The following SGCZ variants were observed in gnomAD, a reference collection of about 807,000 sequenced individuals.
SGCZ encodes the protein sarcoglycan zeta.
SGCZ carries 40 observed loss-of-function variants against 41.3 expected under a neutral mutation model. The observed-to-expected ratio is 0.97, with a 90% CI of 0.75 to 1.26. SGCZ has a LOEUF of 1.26. SGCZ is among the 50% of genes most tolerant of loss of function. The probability of loss-of-function intolerance (pLI) is 0.00; values close to 1 mark genes in which losing one functional copy is unlikely to be tolerated. For missense variants in SGCZ, 552 were observed against 369.8 expected (o/e 1.49, Z -4.04); for synonymous variants, 206 against 137.5 (o/e 1.50, Z -3.49).
intron 3 of SGCZ, among the ~76,000 whole-genome samples, chr8:14,258,150 G>A (rs1166137477): frequency 6.6e-6 from 1 of 152,068 alleles, no homozygotes; most frequent in Non-Finnish European, 1.5e-5. Context: ...AGTATTATAT[G>A]CTAAAAGAGA....
intron 1 of SGCZ, among the ~76,000 whole-genome samples, chr8:15,220,816 C>T (rs268345): frequency 0.93 from 142,217 of 152,184 alleles, 66,642 homozygotes; most frequent in Non-Finnish European, 0.97. Flanking sequence ...ATATACACCA[C>T]GGAATACTAT....
intron 1 of SGCZ, among the ~76,000 whole-genome samples, chr8:15,177,362 A>C (rs1417318102): frequency 6.6e-6 from 1 of 152,192 alleles, no homozygotes; most frequent in Admixed American, 6.5e-5. Flanking sequence ...GGTGGGCTAA[A>C]ATATGTTGTA....
intron 1 of SGCZ, among the ~76,000 whole-genome samples, chr8:14,910,358 G>C (rs1015579131): frequency 6.6e-6 from 1 of 151,840 alleles, no homozygotes; most frequent in Admixed American, 6.6e-5. Flanking sequence ...TAATACATAA[G>C]GACACCAGGA....
chr8:14,368,859 C>G (rs1330257903), intron 2 of SGCZ, among the ~76,000 whole-genome samples: 1 of 151,872 alleles, frequency 6.6e-6, no homozygotes, highest in Non-Finnish European at 1.5e-5. Context: ...ATACTTGTTG[C>G]AAGAGGGGAA....
chr8:14,252,683 C>G (rs1426409010), intron 3 of SGCZ, among the ~76,000 whole-genome samples: 1 of 152,032 alleles, frequency 6.6e-6, no homozygotes, highest in Non-Finnish European at 1.5e-5. Context: ...GTCGAGGGGG[C>G]AGGACAAAAT....
chr8:14,899,125 C>T (rs1805309736), intron 1 of SGCZ, among the ~76,000 whole-genome samples: 1 of 151,976 alleles, frequency 6.6e-6, no homozygotes, highest in African/African-American at 2.4e-5. Flanking sequence ...TAATAGCTGC[C>T]TTGATCATAG....
chr8:14,251,674 TTAAA>T (rs1285395892), intron 3 of SGCZ, among the ~76,000 whole-genome samples: 1 of 152,220 alleles, frequency 6.6e-6, no homozygotes, highest in African/African-American at 2.4e-5. Context: ...TTAATAATTT[TTAAA>T]TAAATAATGC....
At chr8:15,170,338 C>A (rs1369277251) in intron 1 of SGCZ, among the ~76,000 whole-genome samples, 3 of 152,200 alleles carry the variant, frequency 2.0e-5, no homozygotes, top group Non-Finnish European at 4.4e-5. Flanking sequence ...ACAAACCTCA[C>A]TGAGCACTTC....
chr8:15,161,097 G>A (rs1441151949), intron 1 of SGCZ, among the ~76,000 whole-genome samples: 1 of 151,956 alleles, frequency 6.6e-6, no homozygotes, highest in South Asian at 2.1e-4. Context: ...CAAATCCTTA[G>A]GTGATCTGGT....
chr8:14,319,921 A>G (rs1470314327), intron 3 of SGCZ, among the ~76,000 whole-genome samples: 1 of 152,066 alleles, frequency 6.6e-6, no homozygotes, highest in African/African-American at 2.4e-5. Flanking sequence ...AACCATAAAG[A>G]CAAGTTTTAT....
chr8:14,449,463 T>C (rs1800528477), intron 2 of SGCZ, among the ~76,000 whole-genome samples: 1 of 152,180 alleles, frequency 6.6e-6, no homozygotes, highest in South Asian at 2.1e-4. Context: ...TGTACTTCTA[T>C]CATGCCCATT....
intron 5 of SGCZ, among the ~76,000 whole-genome samples, chr8:14,118,447 G>A (rs1489614358): frequency 6.6e-6 from 1 of 152,038 alleles, no homozygotes; most frequent in East Asian, 1.9e-4. Flanking sequence ...GTTCTTTGTA[G>A]ATTCTGGATA....
At chr8:14,669,234 T>C (rs1029484985) in intron 1 of SGCZ, among the ~76,000 whole-genome samples, 1 of 151,102 alleles carries the variant, frequency 6.6e-6, no homozygotes, top group African/African-American at 2.4e-5. Context: ...AGCTTGCACC[T>C]GTAATCCCAG....
chr8:15,179,188 C>A (rs1202885556), intron 1 of SGCZ, among the ~76,000 whole-genome samples: 14 of 152,058 alleles, frequency 9.2e-5, no homozygotes, highest in African/African-American at 2.4e-5. Context: ...AGTAAAGATT[C>A]TTATTAATTG....
intron 2 of SGCZ, among the ~76,000 whole-genome samples, chr8:14,514,580 T>C (rs1337933384): frequency 6.6e-6 from 1 of 150,920 alleles, no homozygotes; most frequent in African/African-American, 2.4e-5. Flanking sequence ...CTCATACATA[T>C]ATATTACATT....
At chr8:14,132,083 T>G (rs909125232) in intron 5 of SGCZ, among the ~76,000 whole-genome samples, 4 of 152,182 alleles carry the variant, frequency 2.6e-5, no homozygotes, top group African/African-American at 4.8e-5. Context: ...ATACATATAT[T>G]GGTCCATGTG....
chr8:15,035,995 T>C (rs1399125537), intron 1 of SGCZ, among the ~76,000 whole-genome samples: 2 of 151,182 alleles, frequency 1.3e-5, no homozygotes, highest in African/African-American at 4.9e-5. Flanking sequence ...ACATTAAAGA[T>C]CAGAGCAGAA....
intron 2 of SGCZ, among the ~76,000 whole-genome samples, chr8:14,480,277 C>A (rs1395304746): frequency 6.6e-6 from 1 of 152,110 alleles, no homozygotes; most frequent in Non-Finnish European, 1.5e-5. Flanking sequence ...TTAGCAACAG[C>A]GTCTACATTC....
intron 1 of SGCZ, among the ~76,000 whole-genome samples, chr8:14,848,184 T>C (rs576939266): frequency 1.2e-4 from 18 of 152,246 alleles, no homozygotes; most frequent in Non-Finnish European, 2.1e-4. Flanking sequence ...CTGAAAACTA[T>C]AAAACATTGT....
Sources: gnomAD v4.1 joint callset for allele counts (sites outside exome capture counted in the v4.1 genomes callset) on GRCh38, gnomAD v4.1.1 for gene constraint, MANE v1.5 for transcripts, NCBI Gene and HGNC (gene_info 2026-07-23, HGNC 2026-07-21) for gene names.